Variants in DYNC2H1 observed in about 807,000 individuals in gnomAD.
DYNC2H1 encodes the protein cytoplasmic dynein 2 heavy chain 1.
DYNC2H1 carries 410 observed loss-of-function variants against 570.0 expected under a neutral mutation model. The ratio of observed to expected loss-of-function variants is 0.72; its 90% CI spans 0.66 to 0.78. The LOEUF (loss-of-function observed/expected upper bound fraction) is 0.78, where lower values mean the gene tolerates loss of function less well. DYNC2H1 is among the 30% of genes least tolerant of loss of function. The pLI is 0.00. For missense variants in DYNC2H1, 4,865 were observed against 5,046.4 expected (o/e 0.96, Z 1.09); for synonymous variants, 1,688 against 1,677.6 (o/e 1.01, Z -0.15).
chr11:103,390,540 A>G (rs1023399061), intron 83 of DYNC2H1, among the ~76,000 whole-genome samples: 1 of 152,092 alleles, frequency 6.6e-6, no homozygotes, highest in African/African-American at 2.4e-5. Context: ...TCCTGTCATT[A>G]TGATGTTAGC....
At chr11:103,471,624 TA>T (rs1378102425) in intron 88 of DYNC2H1, among the ~76,000 whole-genome samples, 1 of 152,250 alleles carries the variant, frequency 6.6e-6, no homozygotes, top group African/African-American at 2.4e-5. Flanking sequence ...TAAACTTTTA[TA>T]ATGCTATAAT....
At position 103,369,744 on chromosome 11, in the gene DYNC2H1, T is replaced by G. The variant is rs2566958; in HGVS notation, c.12156+11385T>G. ...AGCAACCTGCTGCCTTGAAGGGAAG[T>G]ACCCAATCCTGGCAAGATTCATCAC... On this transcript the variant is annotated intron_variant, in intron 83 of 88. Transcript: ENST00000375735. This position sits in a 1 kb window ranked among gnomAD's most constrained non-coding sequence, Gnocchi z 4.0. Among the ~76,000 whole-genome samples, 95,678 of 151,936 alleles carry G rather than the reference T, an allele frequency of 0.63. 30,984 individuals carry two copies. The highest frequency in any genetic ancestry group is 0.71 in the Admixed American group (10,860 of 15,282).
intron 84 of DYNC2H1, chr11:103,403,616 A>G (rs1196518508): frequency 6.6e-6 from 1 of 152,126 alleles, no homozygotes; most frequent in African/African-American, 2.4e-5. Flanking sequence ...AGGCCTGGTC[A>G]TGTAGCAGTC....
chr11:103,272,382 T>C (rs1046718911), intron 70 of DYNC2H1, among the ~76,000 whole-genome samples: 4 of 151,944 alleles, frequency 2.6e-5, no homozygotes, highest in Non-Finnish European at 4.4e-5. Context: ...ATGAGAACAC[T>C]TGGACACAAG....
rs146254476 is a variant in DYNC2H1, at chr11:103,470,348, A to G, written c.12765+1643A>G. Among the ~76,000 whole-genome samples, 326 of 152,354 alleles carry G rather than the reference A, an allele frequency of 2.1e-3. 5 individuals are homozygous for G. The highest frequency in any genetic ancestry group is 0.012 in the East Asian group (63 of 5,190). On this transcript the variant is annotated intron_variant, in intron 88 of 88. Transcript: ENST00000375735. ...ATTTAATTTGAAAAATAGCTCATAT[A>G]AAGAGAGGTAAAATGAATAGAGCAT...
intron 87 of DYNC2H1, among the ~76,000 whole-genome samples, chr11:103,458,602 T>C (rs1034969263): frequency 4.6e-5 from 7 of 152,100 alleles, no homozygotes; most frequent in African/African-American, 1.7e-4. Flanking sequence ...TAGTTAACAG[T>C]TTAAAAAAAA....
intron 46 of DYNC2H1, among the ~76,000 whole-genome samples, chr11:103,191,877 T>A (rs1450299294): frequency 1.3e-5 from 2 of 152,224 alleles, no homozygotes; most frequent in East Asian, 3.9e-4. Flanking sequence ...ATTATTTTTG[T>A]TGAACAACTA....
At chr11:103,283,913 A>C (rs1390213432) in intron 73 of DYNC2H1, among the ~76,000 whole-genome samples, 1 of 151,944 alleles carries the variant, frequency 6.6e-6, no homozygotes, top group Non-Finnish European at 1.5e-5. Context: ...GGTGCTTACT[A>C]CCAGTTGGCA....
intron 82 of DYNC2H1, among the ~76,000 whole-genome samples, chr11:103,354,733 T>G (rs536217297): frequency 1.3e-5 from 2 of 152,206 alleles, no homozygotes; most frequent in South Asian, 2.1e-4. Context: ...TTTGTCAACA[T>G]GTTTTGCCTT....
At chr11:103,191,666 AT>A in intron 46 of DYNC2H1, 47 bp downstream of exon 46, 1 of 1,071,702 alleles carries the variant, frequency 9.3e-7, no homozygotes, top group Non-Finnish European at 1.3e-6. Context: ...GTGTGTGCAC[AT>A]TTATTCTCTA....
chr11:103,474,322 C>T (rs1451818225), intron 88 of DYNC2H1, among the ~76,000 whole-genome samples: 1 of 152,072 alleles, frequency 6.6e-6, no homozygotes, highest in Non-Finnish European at 1.5e-5. Flanking sequence ...CCTATCATTT[C>T]CTCTTCTAAA....
At chr11:103,293,344 A>G (rs1866689950) in intron 75 of DYNC2H1, among the ~76,000 whole-genome samples, 1 of 151,974 alleles carries the variant, frequency 6.6e-6, no homozygotes, top group African/African-American at 2.4e-5. Flanking sequence ...TGCTTTTAGA[A>G]TCTTTTCTTT....
intron 43 of DYNC2H1, 73 bp from the exon 44 acceptor site, chr11:103,188,424 G>A (rs1862163459): frequency 2.5e-6 from 3 of 1,205,814 alleles, no homozygotes; most frequent in Admixed American, 2.3e-5. Flanking sequence ...TTGAAACTTA[G>A]GCAAAAATAT....
intron 69 of DYNC2H1, among the ~76,000 whole-genome samples, chr11:103,257,973 A>T (rs1865129250): frequency 6.6e-6 from 1 of 152,238 alleles, no homozygotes; most frequent in Non-Finnish European, 1.5e-5. Flanking sequence ...AAAACAGTTT[A>T]TGTTCTGAGT....
intron 59 of DYNC2H1, among the ~76,000 whole-genome samples, chr11:103,225,154 C>T (rs2135164801): frequency 6.7e-6 from 1 of 149,890 alleles, no homozygotes; most frequent in East Asian, 2.1e-4. Flanking sequence ...GATATTAGTC[C>T]TTTGTTGGAT....
chr11:103,476,686 T>G (rs1591813171), intron 88 of DYNC2H1, among the ~76,000 whole-genome samples: 3 of 152,064 alleles, frequency 2.0e-5, no homozygotes, highest in Non-Finnish European at 4.4e-5. Flanking sequence ...TTGGGGGACA[T>G]ACTGATTTAT....
Position 103,199,160 on chromosome 11 carries a change from G to A in DYNC2H1, c.7840-68G>A. 9.0e-7 allele frequency: 1 copy of A among 1,113,612 alleles called. No homozygotes were observed. Among genetic ancestry groups the A allele is most frequent in the Non-Finnish European group, 1.2e-6 (1 of 826,662 alleles). 69.0% of individuals were successfully genotyped at this position (1,113,612 alleles called of 1,614,324 possible). The stretch of plus-strand genomic sequence containing the variant: ...TCAAAAATATAATATTTTAACCTAG[G>A]TAAGTAACATTTTTATTATGTAATT... On this transcript the variant is annotated intron_variant, in intron 48 of 88. Coordinates refer to ENST00000375735, the MANE Select transcript of DYNC2H1 (RefSeq NM_001377.3). The surrounding 1 kb of genome is among the most constrained non-coding windows in gnomAD (Gnocchi z 4.6).
chr11:103,433,424 G>A (rs1943963449), intron 84 of DYNC2H1, among the ~76,000 whole-genome samples: 1 of 152,026 alleles, frequency 6.6e-6, no homozygotes, highest in Admixed American at 6.6e-5. Context: ...CTAAGTCTTA[G>A]TGGCATAAAA....
At chr11:103,287,125 G>C (rs1258470385) in intron 74 of DYNC2H1, among the ~76,000 whole-genome samples, 1 of 151,774 alleles carries the variant, frequency 6.6e-6, no homozygotes, top group Non-Finnish European at 1.5e-5. Context: ...CTGGGTGACA[G>C]GGCAAGATGC....
Sources: allele counts gnomAD v4.1 joint callset (sites outside exome capture counted in the v4.1 genomes callset), GRCh38; gene constraint gnomAD v4.1.1; non-coding constraint Gnocchi (gnomAD v3.1); transcripts MANE v1.5; gene names NCBI Gene and HGNC (gene_info 2026-07-23, HGNC 2026-07-21).